Variants in WASHC4 observed in about 807,000 individuals in gnomAD.
WASHC4 encodes WASH complex subunit 4, also known as WASH complex subunit 7.
Under a neutral mutation model 166.6 loss-of-function variants are expected in WASHC4, and 86 were observed. The ratio of observed to expected loss-of-function variants is 0.52; its 90% CI spans 0.43 to 0.62. The LOEUF (loss-of-function observed/expected upper bound fraction) is 0.62, where lower values mean the gene tolerates loss of function less well. Among genes scored for constraint, WASHC4 ranks in the 20% least tolerant of loss-of-function variants. WASHC4 has a pLI of 0.00. For synonymous variants in WASHC4, 446 were observed against 451.6 expected, an observed-to-expected ratio of 0.99 and a Z score of 0.16; for missense variants, 1,262 against 1,382.4, an observed-to-expected ratio of 0.91 and a Z score of 1.38.
chr12:105,164,786 T>A, intron 32 of WASHC4, 46 bp downstream of exon 32: 1 of 1,216,994 alleles, frequency 8.2e-7, no homozygotes, highest in Non-Finnish European at 1.2e-6. Context: ...ATGTCTTTAG[T>A]AATAGACAGT....
chr12:105,122,179 C>G lies in WASHC4; in HGVS notation c.727C>G (p.Pro243Ala), dbSNP rs776626849. 1.7e-5 allele frequency: 27 copies of G among 1,610,790 alleles called. No homozygotes were observed. Among genetic ancestry groups the G allele is most frequent in the South Asian group, 1.6e-4 (15 of 91,030 alleles). The change falls in exon 10 of 33, where the codon CCA becomes GCA. Residue 243 changes from proline to alanine, a missense_variant. By Grantham distance (27) the Pro-to-Ala change is conservative. Coordinates refer to ENST00000332180, the MANE Select transcript of WASHC4 (RefSeq NM_015275.3). ...TGGAATTCAGGAAGAAAAATTAAAG[C>G]CATTTGAAAAGTTCTTGCTGAAGCT... ...KFGIQEEKLK[P>A]FEKFLLKLEG...
At position 105,141,168 on chromosome 12, in the gene WASHC4, A is replaced by G. The variant is rs767564434; in HGVS notation, c.1709A>G (p.Lys570Arg). The change falls in exon 18 of 33, where the codon AAA (lysine) becomes AGA (arginine). Residue 570 changes from lysine (K) to arginine (R), a missense_variant and splice_region_variant. Physicochemically the swap from Lys to Arg is conservative, Grantham distance 26. Transcript: ENST00000332180. ...SLALSVGTQM[K>R]TFKDEELFPL... ...GCCTTTTTTTCCTGTCCCTGATAGA[A>G]AACATTTAAAGATGAAGAACTCTTT... The G allele has an allele frequency of 8.1e-6, 13 of 1,613,286 alleles. No individual in the cohort carries two copies. The highest frequency in any genetic ancestry group is 6.7e-5 in the East Asian group (3 of 44,880).
chr12:105,148,279 G>GT, intron 24 of WASHC4: 1 of 985,384 alleles, frequency 1.0e-6, no homozygotes, highest in Non-Finnish European at 1.2e-6. Context: ...TAATGATCAT[G>GT]TTTGTACCTT....
chr12:105,144,454 G>A lies in WASHC4; in HGVS notation c.2178G>A (p.Arg726=), dbSNP rs201666103. The change falls in exon 21 of 33, where the codon CGG becomes CGA. Residue 726 remains arginine, a splice_region_variant and synonymous_variant. Transcript: ENST00000332180. Reference sequence around the variant, plus strand: ...TTTTCAATCGTTTCATTGACATTCGGGGTGAGTGTTTTGCTTTCCTTCTTA... The same window carrying A: ...TTTTCAATCGTTTCATTGACATTCGAGGTGAGTGTTTTGCTTTCCTTCTTA... ...IRFFNRFIDI[R]AYVTHYLDKT... 30 of 1,611,862 alleles carry A rather than the reference G, an allele frequency of 1.9e-5. No homozygotes were observed. The highest frequency in any genetic ancestry group is 2.3e-5 in the Non-Finnish European group (27 of 1,178,972).
chr12:105,137,635 A>G (rs1361961071), intron 14 of WASHC4, among the ~76,000 whole-genome samples: 1 of 152,188 alleles, frequency 6.6e-6, no homozygotes, highest in Non-Finnish European at 1.5e-5. Context: ...ATTATACACT[A>G]TTATTTTGAC....
chr12:105,156,697 A>G, intron 26 of WASHC4, 29 bp from the exon 27 acceptor site: 1 of 1,529,950 alleles, frequency 6.5e-7, no homozygotes, highest in Non-Finnish European at 9.1e-7. Flanking sequence ...ATTTATATAA[A>G]TATCTGATTT....
rs1879663148 is a variant in WASHC4, at chr12:105,111,326, CAT to C, written c.201+64_201+65del. Reference sequence around the variant, plus strand: ...TTCTGGACATACTATATCCTGAAAACATAATTTTTTAAAATGGAAAAAGTATT... The same window carrying C: ...TTCTGGACATACTATATCCTGAAAACAATTTTTTAAAATGGAAAAAGTATT... On this transcript the variant is annotated intron_variant, in intron 2 of 32. Transcript: ENST00000332180. The C allele has an allele frequency of 6.5e-6, 7 of 1,069,152 alleles. No homozygotes were observed. The South Asian group carries it at 7.7e-5, about 12-fold the overall frequency. 66.2% of individuals were successfully genotyped at this position (1,069,152 alleles called of 1,614,324 possible).
intron 7 of WASHC4, 47 bp from the exon 8 acceptor site, chr12:105,120,508 A>G (rs1421553936): frequency 7.1e-6 from 8 of 1,119,950 alleles, no homozygotes; most frequent in South Asian, 1.2e-5. Flanking sequence ...AGAATAAACT[A>G]TGACAAAAAG....
At chr12:105,143,762 G>A (rs929771783) in intron 20 of WASHC4, among the ~76,000 whole-genome samples, 2 of 151,838 alleles carry the variant, frequency 1.3e-5, no homozygotes, top group African/African-American at 2.4e-5. Context: ...TTTGGAGGGA[G>A]GAATTAAAAA....
chr12:105,115,425 G>A (rs982218755), intron 5 of WASHC4, among the ~76,000 whole-genome samples, 196 bp downstream of exon 5: 7 of 151,886 alleles, frequency 4.6e-5, no homozygotes, highest in African/African-American at 1.7e-4. Context: ...TGTACTTTAC[G>A]AAGTACTGTA....
chr12:105,165,785 G>A (rs10861358), intron 32 of WASHC4, among the ~76,000 whole-genome samples: 26,546 of 151,868 alleles, frequency 0.17, 3,214 homozygotes, highest in African/African-American at 0.34. Context: ...ATATCCAGGC[G>A]TTTTTTGAAT....
chr12:105,138,271 TGA>T (rs1007217109), intron 15 of WASHC4, among the ~76,000 whole-genome samples: 68 of 151,212 alleles, frequency 4.5e-4, no homozygotes, highest in African/African-American at 1.6e-3. Flanking sequence ...GTTAATGTAG[TGA>T]GAGAGAAAAG....
At chr12:105,151,341 A>G (rs1420664702) in intron 25 of WASHC4, among the ~76,000 whole-genome samples, 1 of 152,112 alleles carries the variant, frequency 6.6e-6, no homozygotes, top group East Asian at 1.9e-4. Flanking sequence ...TATTTTAATT[A>G]CTTTTCTTAA....
At chr12:105,156,526 ATAAG>A (rs1006194622) in intron 26 of WASHC4, 196 bp from the exon 27 acceptor site, 3 of 346,940 alleles carry the variant, frequency 8.6e-6, no homozygotes, top group Non-Finnish European at 1.0e-5. Context: ...ATAGTTATAT[ATAAG>A]TATGTATGTT....
At position 105,149,867 on chromosome 12, in the gene WASHC4, T is replaced by TTA. The variant is rs1203915652; in HGVS notation, c.2649+119_2649+120insAT. The TTA allele has an allele frequency of 4.2e-5, 42 of 1,006,780 alleles. No homozygotes were observed. The East Asian group carries it at 1.1e-3, about 26-fold the overall frequency. 62.4% of individuals were successfully genotyped at this position (1,006,780 alleles called of 1,614,324 possible). ...GGTTTTAGTTTTATTTTCCCTATAA[T>TTA]TTCTTACTCTGCATTATCTGTAGGC... On this transcript the variant is annotated intron_variant, in intron 25 of 32. Coordinates refer to ENST00000332180, the MANE Select transcript of WASHC4 (RefSeq NM_015275.3).
rs566958008 is a variant in WASHC4, at chr12:105,146,142, G to A, written c.2335-310G>A. ...TACTAGTTTACTTTGTAGAAAAAAT[G>A]TAGAGAAGATTGTTGAAGAGACAAA... is the stretch of plus-strand genomic sequence containing the variant. On this transcript the variant is annotated intron_variant, in intron 22 of 32. Transcript: ENST00000332180. Among the ~76,000 whole-genome samples the A allele has an allele frequency of 4.6e-5, 7 of 152,260 alleles. No individual in the cohort carries two copies. The South Asian group carries it at 1.2e-3, about 27-fold the overall frequency.
In WASHC4 at chr12:105,141,004, C is replaced by T. The variant is rs1439500852; in HGVS notation, c.1666C>T (p.Arg556Ter). ...AAATGGACCAAGCACAAAGCAACGG[C>T]GACTTATTGTTTCTTTGGCACTAAG... Reference protein sequence around the residue: ...TLNGPSTKQRRLIVSLALSVG... With the variant: ...TLNGPSTKQR Residue 556 changes from arginine (R) to a stop codon, truncating the protein, a stop_gained, in exon 17 of 33, where the codon CGA becomes TGA. Transcript: ENST00000332180. LOFTEE classifies it high-confidence loss of function. 6 of 1,614,072 alleles carry T rather than the reference C, an allele frequency of 3.7e-6. No individual in the cohort carries two copies. Among genetic ancestry groups the T allele is most frequent in the South Asian group, 1.1e-5 (1 of 91,080 alleles).
Position 105,141,005 on chromosome 12 carries a change from G to A in WASHC4, c.1667G>A (p.Arg556Gln), listed in dbSNP as rs552170145. 155 of 1,614,084 alleles carry A rather than the reference G, an allele frequency of 9.6e-5. No homozygotes were observed. The highest frequency in any genetic ancestry group is 1.2e-4 in the Non-Finnish European group (145 of 1,180,000). Residue 556 changes from arginine to glutamine, a missense_variant, in exon 17 of 33, where the codon CGA (arginine) becomes CAA (glutamine). By Grantham distance (43) the Arg-to-Gln change is conservative (BLOSUM62 1). Transcript: ENST00000332180. ...TLNGPSTKQR[R>Q]LIVSLALSVG... ...AATGGACCAAGCACAAAGCAACGGC[G>A]ACTTATTGTTTCTTTGGCACTAAGT...
chr12:105,144,189 A>G (rs1007712041), intron 20 of WASHC4, 98 bp from the exon 21 acceptor site: 6 of 1,034,834 alleles, frequency 5.8e-6, no homozygotes, highest in Non-Finnish European at 8.7e-6. Context: ...CTTCTGACCA[A>G]AAAACTATTG....
Sources: gnomAD v4.1 joint callset for allele counts (sites outside exome capture counted in the v4.1 genomes callset) on GRCh38, gnomAD v4.1.1 for gene constraint, MANE v1.5 for transcripts, NCBI Gene and HGNC (gene_info 2026-07-23, HGNC 2026-07-21) for gene names.